The following NTM variants were observed in gnomAD, a reference collection of about 807,000 sequenced individuals.
NTM encodes the protein IgLON family member 2.
NTM carries 13 observed loss-of-function variants against 42.1 expected under a neutral mutation model. The observed-to-expected ratio is 0.31, with a 90% CI of 0.20 to 0.49. The LOEUF (loss-of-function observed/expected upper bound fraction) is 0.49. Ranked by LOEUF, NTM falls within the 20% of genes least tolerant of loss-of-function variation. NTM has a pLI of 0.99. For missense variants in NTM, 373 were observed against 452.8 expected (o/e 0.82, Z 1.60); for synonymous variants, 187 against 179.2 (o/e 1.04, Z -0.35).
chr11:131,623,661 G>A (rs1191232319), intron 1 of NTM, among the ~76,000 whole-genome samples: 1 of 152,214 alleles, frequency 6.6e-6, no homozygotes, highest in African/African-American at 2.4e-5. Flanking sequence ...CACTTGCAGT[G>A]CGCCTGCCTG....
intron 2 of NTM, among the ~76,000 whole-genome samples, chr11:131,960,126 G>A (rs1021255227): frequency 1.3e-5 from 2 of 152,144 alleles, no homozygotes; most frequent in African/African-American, 4.8e-5. Flanking sequence ...GCACCTCTGA[G>A]CGTAAAAGTC....
chr11:131,921,897 C>T (rs1363429660), intron 2 of NTM, among the ~76,000 whole-genome samples: 4 of 152,016 alleles, frequency 2.6e-5, no homozygotes, highest in African/African-American at 4.8e-5. Context: ...ACCCCAGGGC[C>T]ATGCATCGTT....
At position 131,957,113 on chromosome 11, in the gene NTM, C is replaced by T. The variant is rs2134442271; in HGVS notation, c.167+45465C>T. Among the ~76,000 whole-genome samples the T allele has an allele frequency of 2.6e-5, 4 of 152,270 alleles. 1 individual carries two copies. The South Asian group carries it at 8.3e-4, about 32-fold the overall frequency. On this transcript the variant is annotated intron_variant, in intron 2 of 8. Coordinates refer to ENST00000683400, the MANE Select transcript of NTM (RefSeq NM_001352005.2). ...CAAGGTCATGTAAACTACGAGGTGG[C>T]CATGCTAGAATTTAAACAGCAGTTT...
intron 1 of NTM, among the ~76,000 whole-genome samples, chr11:131,374,206 G>C (rs541486770): frequency 4.7e-4 from 71 of 152,286 alleles, no homozygotes; most frequent in African/African-American, 1.7e-3. Context: ...CCAGGCTTGG[G>C]GCTGCCAACT....
chr11:132,267,167 G>A (rs1401337684), intron 4 of NTM, among the ~76,000 whole-genome samples: 1 of 152,150 alleles, frequency 6.6e-6, no homozygotes, highest in Non-Finnish European at 1.5e-5. Context: ...CCTCTGAAAA[G>A]CTCATTTAGT....
intron 1 of NTM, among the ~76,000 whole-genome samples, chr11:131,506,989 CAT>C (rs1162406264): frequency 1.3e-5 from 2 of 152,168 alleles, no homozygotes; most frequent in Admixed American, 1.3e-4. Context: ...ATAGATATCT[CAT>C]GTGCAGATGA....
In NTM at chr11:131,384,225, A is replaced by G. The variant is rs1943038269; in HGVS notation, c.82+13337A>G. Among the ~76,000 whole-genome samples, 4 of 152,208 alleles carry G rather than the reference A, an allele frequency of 2.6e-5. No homozygotes were observed. The South Asian group carries it at 8.3e-4, about 32-fold the overall frequency. On this transcript the variant is annotated intron_variant, in intron 1 of 8. Transcript: ENST00000683400. ...TACCCAGGGAGAGAGTAAGGAATAC[A>G]TAAAAAAGAATTGAGGGCAAACACT... is the stretch of plus-strand genomic sequence containing the variant.
Position 131,700,198 on chromosome 11 carries a change from A to G in NTM, c.83-211366A>G, listed in dbSNP as rs1321894707. 2.0e-5 allele frequency among the ~76,000 whole-genome samples: 3 copies of G among 152,182 alleles called. No individual in the cohort carries two copies. In the East Asian group the frequency reaches 5.8e-4, roughly 29 times the overall value. ...TTTCTGATTATATTGGTTACCAGCC[A>G]AAAAATTGTCTTTCTTGGCCAGAGA... On this transcript the variant is annotated intron_variant, in intron 1 of 8. Coordinates refer to ENST00000683400, the MANE Select transcript of NTM (RefSeq NM_001352005.2).
At chr11:131,935,811 T>G (rs1265468082) in intron 2 of NTM, among the ~76,000 whole-genome samples, 1 of 152,234 alleles carries the variant, frequency 6.6e-6, no homozygotes, top group East Asian at 1.9e-4. Flanking sequence ...GTTCACACCC[T>G]GTCTCATGTA....
intron 1 of NTM, among the ~76,000 whole-genome samples, chr11:131,391,718 G>T (rs147930224): frequency 6.6e-6 from 1 of 150,386 alleles, no homozygotes; most frequent in African/African-American, 2.4e-5. Context: ...TCGGGAGACA[G>T]AAACAGGCTC....
chr11:131,415,766 A>G (rs536905249), intron 1 of NTM, among the ~76,000 whole-genome samples: 2 of 152,220 alleles, frequency 1.3e-5, no homozygotes, highest in Non-Finnish European at 2.9e-5. Context: ...GCTGAAGAAC[A>G]ACTGTCATGG....
chr11:132,248,950 G>A (rs1280728817), intron 4 of NTM, among the ~76,000 whole-genome samples: 1 of 152,206 alleles, frequency 6.6e-6, no homozygotes, highest in Non-Finnish European at 1.5e-5. Context: ...AAAGGAAGGT[G>A]TCGGACACTG....
chr11:131,513,902 G>C (rs2048565703), intron 1 of NTM, among the ~76,000 whole-genome samples: 2 of 152,178 alleles, frequency 1.3e-5, no homozygotes, highest in African/African-American at 4.8e-5. Context: ...AGAGCCCCAG[G>C]GGAAGAGAAG....
chr11:131,428,489 G>A (rs915522063), intron 1 of NTM, among the ~76,000 whole-genome samples: 26 of 151,976 alleles, frequency 1.7e-4, no homozygotes, highest in Non-Finnish European at 5.9e-5. Context: ...TTTGGATGGT[G>A]GCCCTCTTGC....
At chr11:131,862,870 T>G (rs145916762) in intron 1 of NTM, among the ~76,000 whole-genome samples, 1 of 152,268 alleles carries the variant, frequency 6.6e-6, no homozygotes, top group African/African-American at 2.4e-5. Context: ...AGAGAGGAAG[T>G]CTGGTTGCTA....
chr11:131,684,760 C>T (rs1175730239), intron 1 of NTM, among the ~76,000 whole-genome samples: 1 of 152,306 alleles, frequency 6.6e-6, no homozygotes, highest in African/African-American at 2.4e-5. Context: ...CAGTGCATAC[C>T]CTGGCCCTGG....
chr11:132,042,172 C>G (rs1036132875), intron 2 of NTM, among the ~76,000 whole-genome samples: 1 of 152,140 alleles, frequency 6.6e-6, no homozygotes, highest in Non-Finnish European at 1.5e-5. Flanking sequence ...CCTCTAGACC[C>G]AAAATGAGGA....
chr11:132,098,425 C>T (rs906133226), intron 2 of NTM, among the ~76,000 whole-genome samples: 1 of 152,196 alleles, frequency 6.6e-6, no homozygotes, highest in Non-Finnish European at 1.5e-5. Context: ...TATTCTGAAA[C>T]TTCTGGGGTC....
At chr11:132,004,632 T>TCACA (rs1487790529) in intron 2 of NTM, among the ~76,000 whole-genome samples, 6 of 143,174 alleles carry the variant, frequency 4.2e-5, no homozygotes, top group African/African-American at 1.6e-4. Context: ...TCTCTCTCTC[T>TCACA]CTCACACACA....
Sources: gnomAD v4.1 joint callset for allele counts (sites outside exome capture counted in the v4.1 genomes callset) on GRCh38, gnomAD v4.1.1 for gene constraint, MANE v1.5 for transcripts, NCBI Gene and HGNC (gene_info 2026-07-23, HGNC 2026-07-21) for gene names.